The following ADAMTS12 variants were observed in gnomAD, a reference collection of about 807,000 sequenced individuals.
ADAMTS12 encodes ADAM metallopeptidase with thrombospondin type 1 motif 12.
A neutral mutation model predicts 167.8 loss-of-function variants in ADAMTS12; 118 were observed. The observed-to-expected ratio is 0.70, with a 90% CI of 0.61 to 0.82. The LOEUF (loss-of-function observed/expected upper bound fraction) is 0.82, where lower values mean the gene tolerates loss of function less well. Among genes scored for constraint, ADAMTS12 ranks in the 40% least tolerant of loss-of-function variants. The pLI is 0.00. For synonymous variants in ADAMTS12, 704 were observed against 716.9 expected, an observed-to-expected ratio of 0.98 and a Z score of 0.29; for missense variants, 1,916 against 1,998.8, an observed-to-expected ratio of 0.96 and a Z score of 0.79.
chr5:33,648,378 C>A lies in ADAMTS12; in HGVS notation c.1479+444G>T, dbSNP rs534855902. Reference sequence around the variant, plus strand: ...AGAGCTACAGATTCTTCAGAAGGTACGGTGTCAAATCCTGAATTATTATTT... The same window carrying A: ...AGAGCTACAGATTCTTCAGAAGGTAAGGTGTCAAATCCTGAATTATTATTT... On this transcript the variant is annotated intron_variant, in intron 9 of 23. Coordinates refer to ENST00000504830, the MANE Select transcript of ADAMTS12 (RefSeq NM_030955.4). 2.0e-5 allele frequency among the ~76,000 whole-genome samples: 3 copies of A among 152,134 alleles called. No homozygotes were observed. In the East Asian group the frequency reaches 5.8e-4, roughly 29 times the overall value.
At chr5:33,588,507 C>T in intron 18 of ADAMTS12, 92 bp downstream of exon 18, 1 of 1,517,934 alleles carries the variant, frequency 6.6e-7, no homozygotes, top group Admixed American at 1.7e-5. Flanking sequence ...TGCAATTTTA[C>T]CTAGGGTCAC....
rs561300995 is a variant in ADAMTS12, at chr5:33,800,026, C to G, written c.490-48478G>C. On this transcript the variant is annotated intron_variant, in intron 2 of 23. Transcript: ENST00000504830. ...GGGACTGTGGCCTCCTCTAAGGGCT[C>G]AGGCAACACAGGCTGTGCTAATCAG... 3.3e-5 allele frequency among the ~76,000 whole-genome samples: 5 copies of G among 152,264 alleles called. No homozygotes were observed. The South Asian group carries it at 1.0e-3, about 32-fold the overall frequency.
Position 33,836,915 on chromosome 5 carries a change from A to T in ADAMTS12, c.489+44204T>A, listed in dbSNP as rs535199370. Among the ~76,000 whole-genome samples the T allele has an allele frequency of 2.7e-3, 398 of 145,496 alleles. 6 individuals carry two copies. Among genetic ancestry groups the T allele is most frequent in the East Asian group, 0.022 (99 of 4,406 alleles). On this transcript the variant is annotated intron_variant, in intron 2 of 23. Transcript: ENST00000504830. ...GCCTCCGGGAGAGTCTGGCTTTAAA[A>T]TTTTTTTTTTTTCTTTACAGGCAGG...
chr5:33,631,473 C>CG (rs1739929406), intron 12 of ADAMTS12, among the ~76,000 whole-genome samples: 2 of 109,522 alleles, frequency 1.8e-5, no homozygotes, highest in Non-Finnish European at 4.8e-5. Context: ...CATGTAGAAA[C>CG]ATTTTTTTTG....
intron 2 of ADAMTS12, among the ~76,000 whole-genome samples, chr5:33,815,886 A>C (rs1231079662): frequency 6.6e-6 from 1 of 152,198 alleles, no homozygotes; most frequent in Non-Finnish European, 1.5e-5. Context: ...GGTGTGGACC[A>C]GCATCCATCA....
rs1053949024 is a variant in ADAMTS12, at chr5:33,752,426, A to C, written c.490-878T>G. ...GATCAGGAGCTCAGACTCGGGAATT[A>C]AATTGGGTTCAAATTAAACAACTCC... On this transcript the variant is annotated intron_variant, in intron 2 of 23. Transcript: ENST00000504830. 1.7e-4 allele frequency among the ~76,000 whole-genome samples: 26 copies of C among 152,328 alleles called. 1 individual carries two copies. The highest frequency in any genetic ancestry group is 3.1e-4 in the Non-Finnish European group (21 of 68,024).
chr5:33,574,782 G>C (rs928446312), intron 19 of ADAMTS12, among the ~76,000 whole-genome samples: 1 of 151,670 alleles, frequency 6.6e-6, no homozygotes, highest in South Asian at 2.1e-4. Context: ...CTATGAAAGT[G>C]GTTTGTAAAT....
chr5:33,848,243 A>T (rs1749021468), intron 2 of ADAMTS12, among the ~76,000 whole-genome samples: 1 of 151,946 alleles, frequency 6.6e-6, no homozygotes. Flanking sequence ...AAGCAAGGAA[A>T]TGCCTGAGTA....
At chr5:33,880,905 G>A in intron 2 of ADAMTS12, 1 of 607,362 alleles carries the variant, frequency 1.6e-6, no homozygotes, top group East Asian at 3.0e-5. Flanking sequence ...TGCCTCCTCT[G>A]AACCCTCAGT....
intron 6 of ADAMTS12, among the ~76,000 whole-genome samples, chr5:33,658,993 GAA>G: frequency 6.6e-6 from 1 of 152,244 alleles, no homozygotes; most frequent in South Asian, 2.1e-4. Flanking sequence ...CAAGACTTTT[GAA>G]AGAGTCACTA....
At chr5:33,782,394 A>C (rs1472266652) in intron 2 of ADAMTS12, among the ~76,000 whole-genome samples, 1 of 152,168 alleles carries the variant, frequency 6.6e-6, no homozygotes, top group Non-Finnish European at 1.5e-5. Flanking sequence ...GAAGAAGAAA[A>C]AGACATGAGA....
chr5:33,860,363 G>A (rs1469406281), intron 2 of ADAMTS12, among the ~76,000 whole-genome samples: 1 of 152,096 alleles, frequency 6.6e-6, no homozygotes, highest in South Asian at 2.1e-4. Flanking sequence ...ACTTCGTGAA[G>A]CATACACAAG....
chr5:33,804,912 A>C (rs1332399730), intron 2 of ADAMTS12, among the ~76,000 whole-genome samples: 1 of 147,760 alleles, frequency 6.8e-6, no homozygotes, highest in Non-Finnish European at 1.5e-5. Flanking sequence ...CTACAGAATA[A>C]AAAAAAATGT....
At chr5:33,649,838 G>A in intron 7 of ADAMTS12, 141 bp from the exon 8 acceptor site, 1 of 1,102,828 alleles carries the variant, frequency 9.1e-7, no homozygotes, top group Non-Finnish European at 1.3e-6. Flanking sequence ...GTGAGACTTT[G>A]AAGTCGGAGG....
chr5:33,880,390 C>G (rs889770544), intron 2 of ADAMTS12, among the ~76,000 whole-genome samples: 8 of 152,206 alleles, frequency 5.3e-5, no homozygotes, highest in Non-Finnish European at 1.5e-5. Flanking sequence ...AAAGACCAGA[C>G]AGCAAATATT....
At chr5:33,688,238 C>A (rs1742414997) in intron 3 of ADAMTS12, among the ~76,000 whole-genome samples, 1 of 152,072 alleles carries the variant, frequency 6.6e-6, no homozygotes, top group Non-Finnish European at 1.5e-5. Flanking sequence ...CATTCGATGA[C>A]TTTTTTCATT....
rs1747807360 is a variant in ADAMTS12 at position 33,819,893 on chromosome 5, G to A, written c.489+61226C>T. 2.0e-5 allele frequency among the ~76,000 whole-genome samples: 3 copies of A among 152,096 alleles called. No homozygotes were observed. The South Asian group carries it at 6.2e-4, about 32-fold the overall frequency. On this transcript the variant is annotated intron_variant, in intron 2 of 23. Transcript: ENST00000504830. Reference sequence around the variant, plus strand: ...AGTACCCATGGGGAGCTAAAAGTTGGCCATCTCGGAAGGGAAAAGGAATAT... The same window carrying A: ...AGTACCCATGGGGAGCTAAAAGTTGACCATCTCGGAAGGGAAAAGGAATAT...
intron 5 of ADAMTS12, among the ~76,000 whole-genome samples, chr5:33,662,371 G>T (rs559185226): frequency 6.6e-6 from 1 of 152,318 alleles, no homozygotes; most frequent in African/African-American, 2.4e-5. Context: ...GTGTCTCTCT[G>T]CATCCTAAAC....
chr5:33,526,162 AT>A lies in ADAMTS12; in HGVS notation c.*1025del, dbSNP rs1259542104. 1 of 152,154 alleles carries A rather than the reference AT, an allele frequency of 6.6e-6. No homozygotes were observed. Among genetic ancestry groups the A allele is most frequent in the Non-Finnish European group, 1.5e-5 (1 of 68,036 alleles). 9.4% of individuals were successfully genotyped at this position (152,154 alleles called of 1,614,324 possible). A position where few individuals can be genotyped will look rare whatever the true frequency, so the allele number is the denominator to read the frequency against. ...TACAATTTACCTGGTTCTTTGAAAT[AT>A]TTTAATATGGAACCTCCATTTTCCA... On this transcript the variant is annotated 3_prime_UTR_variant, in exon 24 of 24. Transcript: ENST00000504830.
Sources: gnomAD v4.1 joint callset for allele counts (sites outside exome capture counted in the v4.1 genomes callset) on GRCh38, gnomAD v4.1.1 for gene constraint, MANE v1.5 for transcripts, NCBI Gene and HGNC (gene_info 2026-07-23, HGNC 2026-07-21) for gene names.